Variants in PRKN observed in about 807,000 individuals in gnomAD.
PRKN encodes E3 ubiquitin-protein ligase parkin.
PRKN carries 56 observed loss-of-function variants against 59.5 expected under a neutral mutation model. The ratio of observed to expected loss-of-function variants is 0.94; its 90% confidence interval spans 0.76 to 1.18. The LOEUF is 1.18. Ranked by LOEUF, PRKN falls within the 50% of genes most tolerant of loss-of-function variation. The pLI, the probability that PRKN is intolerant of heterozygous loss-of-function variation, is 0.00. For missense variants in PRKN, 657 were observed against 596.4 expected (o/e 1.10, Z -1.06); for synonymous variants, 250 against 222.1 (o/e 1.13, Z -1.12).
chr6:162,635,195 A>C (rs1777665037), intron 1 of PRKN, among the ~76,000 whole-genome samples: 1 of 152,178 alleles, frequency 6.6e-6, no homozygotes. Context: ...TATATTTTTC[A>C]CATGTGGAAA....
rs1793305827 is a variant in PRKN, at chr6:162,500,299, G to A, written c.8-56826C>T. 2.6e-5 allele frequency among the ~76,000 whole-genome samples: 4 copies of A among 151,752 alleles called. No individual in the cohort carries two copies. In the South Asian group the frequency reaches 8.3e-4, roughly 31 times the overall value. ...CGATTCTTGTGCCTCAGCCTCCTGA[G>A]TAGCTGGGATCACAGGCGCCCGCCA... On this transcript the variant is annotated intron_variant, in intron 1 of 11. Transcript: ENST00000366898.
intron 7 of PRKN, among the ~76,000 whole-genome samples, chr6:161,580,867 C>G (rs1224908716): frequency 6.6e-6 from 1 of 151,982 alleles, no homozygotes; most frequent in African/African-American, 2.4e-5. Flanking sequence ...TGAAGATTAT[C>G]CTAGGAAAAA....
chr6:161,492,321 C>T (rs997399363), intron 9 of PRKN, among the ~76,000 whole-genome samples: 7 of 152,142 alleles, frequency 4.6e-5, no homozygotes, highest in African/African-American at 1.7e-4. Context: ...AGATTATGGC[C>T]TATGGTCTTG....
chr6:162,262,135 T>C (rs1330654352), intron 3 of PRKN, among the ~76,000 whole-genome samples: 3 of 152,208 alleles, frequency 2.0e-5, no homozygotes, highest in African/African-American at 4.8e-5. Flanking sequence ...AAGAAAAGCA[T>C]TTTGAAATGG....
At chr6:162,228,392 C>G (rs772665959) in intron 3 of PRKN, among the ~76,000 whole-genome samples, 5 of 152,286 alleles carry the variant, frequency 3.3e-5, no homozygotes, top group Non-Finnish European at 5.9e-5. Context: ...CACGTACAGA[C>G]AGGGACTAGA....
At chr6:161,984,402 C>T (rs996001241) in intron 5 of PRKN, among the ~76,000 whole-genome samples, 7 of 152,022 alleles carry the variant, frequency 4.6e-5, no homozygotes, top group South Asian at 2.1e-4. Context: ...GGATTACAGG[C>T]GTGTGCTACC....
chr6:162,253,590 C>T (rs745716941), intron 3 of PRKN, among the ~76,000 whole-genome samples: 1 of 152,072 alleles, frequency 6.6e-6, no homozygotes, highest in Non-Finnish European at 1.5e-5. Flanking sequence ...CCTAAACGCT[C>T]AATTTGAAGT....
At position 161,785,763 on chromosome 6, in the gene PRKN, T is replaced by C. The variant is rs1160780278; in HGVS notation, c.871+9A>G. 2.5e-6 allele frequency: 4 copies of C among 1,613,614 alleles called. No homozygotes were observed. In the African/African-American group the frequency reaches 4.0e-5, roughly 16 times the overall value. On this transcript the variant is annotated intron_variant, in intron 7 of 11. Coordinates refer to ENST00000366898, the MANE Select transcript of PRKN (RefSeq NM_004562.3). Reference sequence around the variant, plus strand: ...CATTAGAGATGGAGAGAAAACATGCTAGACTTACCCACACAAGGCAGGGAG... The same window carrying C: ...CATTAGAGATGGAGAGAAAACATGCCAGACTTACCCACACAAGGCAGGGAG...
At chr6:161,500,184 C>A (rs1423758521) in intron 9 of PRKN, among the ~76,000 whole-genome samples, 6 of 152,138 alleles carry the variant, frequency 3.9e-5, no homozygotes, top group African/African-American at 1.4e-4. Context: ...AATTTCACGG[C>A]AAAATTGAGC....
intron 1 of PRKN, among the ~76,000 whole-genome samples, chr6:162,477,064 C>T (rs1186653353): frequency 6.6e-6 from 1 of 152,062 alleles, no homozygotes. Flanking sequence ...GTATTGTGCT[C>T]AATGAAGAGG....
intron 4 of PRKN, among the ~76,000 whole-genome samples, chr6:162,144,213 A>G (rs1156798948): frequency 1.3e-5 from 2 of 152,170 alleles, no homozygotes; most frequent in Non-Finnish European, 2.9e-5. Flanking sequence ...GAGAACTTTA[A>G]AGGCAACCTT....
At chr6:161,934,353 G>T (rs535649136) in intron 6 of PRKN, among the ~76,000 whole-genome samples, 270 of 152,264 alleles carry the variant, frequency 1.8e-3, no homozygotes, top group African/African-American at 6.0e-3. Flanking sequence ...TTATAGCAGT[G>T]TGAGAATGGA....
At chr6:162,261,195 G>A (rs1350122632) in intron 3 of PRKN, among the ~76,000 whole-genome samples, 1 of 152,138 alleles carries the variant, frequency 6.6e-6, no homozygotes, top group Non-Finnish European at 1.5e-5. Context: ...CCTCATCCTA[G>A]TAAGGAGAGG....
At chr6:162,212,102 T>G (rs1229040003) in intron 3 of PRKN, among the ~76,000 whole-genome samples, 2 of 152,144 alleles carry the variant, frequency 1.3e-5, no homozygotes, top group African/African-American at 4.8e-5. Context: ...TCTTTCTATA[T>G]CATGAGTATC....
intron 6 of PRKN, among the ~76,000 whole-genome samples, chr6:161,942,517 C>A (rs979691944): frequency 2.0e-5 from 3 of 151,978 alleles, no homozygotes. Flanking sequence ...GGCGACAGAG[C>A]GAGACTCCAT....
At chr6:161,666,293 TC>T (rs1271045402) in intron 7 of PRKN, among the ~76,000 whole-genome samples, 1 of 152,122 alleles carries the variant, frequency 6.6e-6, no homozygotes, top group African/African-American at 2.4e-5. Flanking sequence ...TCTTGTCAGA[TC>T]AGTGGTGGCA....
intron 5 of PRKN, among the ~76,000 whole-genome samples, chr6:162,020,332 C>CAAAAAAAAAAAAAAAAAAAAAAAAACA (rs1783090268): frequency 2.2e-5 from 1 of 45,446 alleles, no homozygotes; most frequent in Non-Finnish European, 4.6e-5. Context: ...ACCAATGAAT[C>CAAAAAAAAAAAAAAAAAAAAAAAAACA]AAAAAAAAAA....
intron 4 of PRKN, among the ~76,000 whole-genome samples, chr6:162,090,916 G>A (rs1045013887): frequency 4.6e-5 from 7 of 152,066 alleles, no homozygotes; most frequent in African/African-American, 1.2e-4. Flanking sequence ...TTGGTAATTC[G>A]TGGCCACAAA....
At chr6:162,544,969 G>A (rs1258863467) in intron 1 of PRKN, among the ~76,000 whole-genome samples, 17 of 149,532 alleles carry the variant, frequency 1.1e-4, no homozygotes, top group African/African-American at 2.9e-4. Flanking sequence ...GAGCCACCGC[G>A]CCCGGCCTCA....
Sources: allele counts gnomAD v4.1 joint callset (sites outside exome capture counted in the v4.1 genomes callset), GRCh38; gene constraint gnomAD v4.1.1; transcripts MANE v1.5; gene names NCBI Gene and HGNC (gene_info 2026-07-23, HGNC 2026-07-21).